TMEM117: variants seen among roughly 807,000 people sequenced by gnomAD.
The protein encoded by TMEM117 is transmembrane protein 117.
Under a neutral mutation model 52.4 loss-of-function variants are expected in TMEM117, and 27 were observed. The ratio of observed to expected loss-of-function variants is 0.51; its 90% CI spans 0.38 to 0.71. The LOEUF is 0.71. TMEM117 is among the 30% of genes least tolerant of loss of function. The pLI is 0.00. For missense variants in TMEM117, 556 were observed against 630.5 expected, an observed-to-expected ratio of 0.88 and a Z score of 1.26; for synonymous variants, 215 against 206.3, an observed-to-expected ratio of 1.04 and a Z score of -0.36.
At chr12:44,061,316 T>C (rs1286339549) in intron 3 of TMEM117, among the ~76,000 whole-genome samples, 2 of 152,160 alleles carry the variant, frequency 1.3e-5, no homozygotes, top group East Asian at 3.8e-4. Context: ...AGAATTTCTT[T>C]GTAGGATGGG....
At chr12:44,055,213 T>C (rs1362385778) in intron 3 of TMEM117, among the ~76,000 whole-genome samples, 1 of 152,210 alleles carries the variant, frequency 6.6e-6, no homozygotes, top group Admixed American at 6.5e-5. Flanking sequence ...CTCCTTTTTC[T>C]GTTAAAGCTA....
At position 44,242,197 on chromosome 12, in the gene TMEM117, A is replaced by G. The variant is rs137859933; in HGVS notation, c.608+30810A>G. On this transcript the variant is annotated intron_variant, in intron 5 of 7. Transcript: ENST00000266534. ...GCAGGTTTGTTATATAGGTAAACTC[A>G]TGTCATGGGGGTTTGTTGTACAGAT... Among the ~76,000 whole-genome samples, 351 of 151,252 alleles carry G rather than the reference A, an allele frequency of 2.3e-3. 11 individuals carry two copies. In the East Asian group the frequency reaches 0.035, roughly 15 times the overall value.
At chr12:44,292,073 T>C (rs1020705870) in intron 5 of TMEM117, among the ~76,000 whole-genome samples, 1 of 152,048 alleles carries the variant, frequency 6.6e-6, no homozygotes, top group Non-Finnish European at 1.5e-5. Context: ...CTAATTCCTC[T>C]TTAAATATCT....
chr12:44,183,703 A>G (rs557838063), intron 4 of TMEM117, among the ~76,000 whole-genome samples: 28 of 152,314 alleles, frequency 1.8e-4, no homozygotes, highest in African/African-American at 6.5e-4. Context: ...AAGGATTAAT[A>G]TGCAACTGAG....
intron 3 of TMEM117, among the ~76,000 whole-genome samples, chr12:44,094,067 A>G (rs1285315675): frequency 6.6e-6 from 1 of 152,170 alleles, no homozygotes; most frequent in East Asian, 1.9e-4. Context: ...CTTATGATGT[A>G]TTACGACCCT....
intron 3 of TMEM117, among the ~76,000 whole-genome samples, chr12:44,119,051 T>C (rs1469560650): frequency 1.3e-5 from 2 of 152,204 alleles, no homozygotes; most frequent in Non-Finnish European, 2.9e-5. Flanking sequence ...GAAGGCTGAC[T>C]CCAGAGTGAA....
intron 3 of TMEM117, among the ~76,000 whole-genome samples, chr12:43,990,086 C>A (rs986568611): frequency 6.6e-6 from 1 of 152,106 alleles, no homozygotes; most frequent in African/African-American, 2.4e-5. Context: ...GGAAGCTGAT[C>A]TGCCTTAGGA....
At chr12:43,876,312 CCTT>C (rs1398690151) in intron 2 of TMEM117, among the ~76,000 whole-genome samples, 1 of 152,154 alleles carries the variant, frequency 6.6e-6, no homozygotes, top group Non-Finnish European at 1.5e-5. Context: ...TTGAGACACA[CCTT>C]CTTGCCATGC....
intron 2 of TMEM117, among the ~76,000 whole-genome samples, chr12:43,901,494 A>G (rs1307171547): frequency 6.6e-6 from 1 of 151,906 alleles, no homozygotes; most frequent in African/African-American, 2.4e-5. Flanking sequence ...TGTTTTTAGT[A>G]AGAGACGGGG....
In TMEM117 at chr12:44,039,844, C is replaced by T. The variant is rs185924911; in HGVS notation, c.410+95502C>T. ...AACCTTATATTACATGTTGCTTCTC[C>T]TTGATATAAATGATAACAAAGAGTT... is the stretch of plus-strand genomic sequence containing the variant. On this transcript the variant is annotated intron_variant, in intron 3 of 7. Transcript: ENST00000266534. Among the ~76,000 whole-genome samples, 23 of 152,184 alleles carry T rather than the reference C, an allele frequency of 1.5e-4. No homozygotes were observed. In the East Asian group the frequency reaches 4.0e-3, roughly 27 times the overall value.
At chr12:44,066,331 A>C (rs1480776596) in intron 3 of TMEM117, among the ~76,000 whole-genome samples, 1 of 152,216 alleles carries the variant, frequency 6.6e-6, no homozygotes, top group Non-Finnish European at 1.5e-5. Flanking sequence ...AAGACAGTAT[A>C]CTAAGCATTC....
At chr12:44,264,564 C>T (rs1950355051) in intron 5 of TMEM117, among the ~76,000 whole-genome samples, 1 of 152,088 alleles carries the variant, frequency 6.6e-6, no homozygotes, top group Non-Finnish European at 1.5e-5. Flanking sequence ...ATAAGGACAG[C>T]AGAGATGTCC....
chr12:43,899,183 A>G (rs780437604), intron 2 of TMEM117, among the ~76,000 whole-genome samples: 11 of 152,184 alleles, frequency 7.2e-5, no homozygotes, highest in Non-Finnish European at 1.6e-4. Flanking sequence ...AATATGTTTA[A>G]TTACAAAACC....
chr12:44,217,045 C>T (rs1038470978), intron 5 of TMEM117, among the ~76,000 whole-genome samples: 12 of 151,882 alleles, frequency 7.9e-5, no homozygotes, highest in African/African-American at 2.7e-4. Context: ...TTACCTCTGA[C>T]CAGAGAAGAG....
intron 4 of TMEM117, among the ~76,000 whole-genome samples, chr12:44,182,437 G>A (rs1949215595): frequency 6.6e-6 from 1 of 152,054 alleles, no homozygotes; most frequent in South Asian, 2.1e-4. Flanking sequence ...TGTGCACAGA[G>A]CCAAAGACAA....
At chr12:44,224,987 A>G (rs1478632456) in intron 5 of TMEM117, among the ~76,000 whole-genome samples, 1 of 152,104 alleles carries the variant, frequency 6.6e-6, no homozygotes, top group South Asian at 2.1e-4. Context: ...TTCCATAAGG[A>G]ATGAGAATGC....
intron 3 of TMEM117, among the ~76,000 whole-genome samples, chr12:44,069,067 G>A (rs1007160445): frequency 2.0e-5 from 3 of 152,026 alleles, no homozygotes; most frequent in Non-Finnish European, 4.4e-5. Flanking sequence ...TATTCTTTAT[G>A]GTTTTTAGTT....
At chr12:44,104,391 G>T (rs1213440935) in intron 3 of TMEM117, among the ~76,000 whole-genome samples, 1 of 151,444 alleles carries the variant, frequency 6.6e-6, no homozygotes, top group Non-Finnish European at 1.5e-5. Flanking sequence ...AAGCTTAAAT[G>T]TTTCAGTCAA....
chr12:43,870,311 G>C (rs1427360230), intron 2 of TMEM117, among the ~76,000 whole-genome samples: 2 of 151,478 alleles, frequency 1.3e-5, no homozygotes, highest in African/African-American at 2.4e-5. Context: ...CCAGGCTGGA[G>C]TGCAGTGGTG....
Sources: gnomAD v4.1 joint callset for allele counts (sites outside exome capture counted in the v4.1 genomes callset) on GRCh38, gnomAD v4.1.1 for gene constraint, MANE v1.5 for transcripts, NCBI Gene and HGNC (gene_info 2026-07-23, HGNC 2026-07-21) for gene names.